The following LIN7A variants were observed in gnomAD, a reference collection of about 807,000 sequenced individuals.
LIN7A encodes lin-7 cell polarity scaffold A, also known as protein lin-7 homolog A.
In LIN7A, 25 loss-of-function variants were observed where a neutral mutation model predicts 29.8. That is an observed-to-expected ratio of 0.84 (90% CI 0.61 to 1.17). The LOEUF (loss-of-function observed/expected upper bound fraction) is 1.17, where lower values mean the gene tolerates loss of function less well. Ranked by LOEUF, LIN7A falls within the 50% of genes most tolerant of loss-of-function variation. The pLI is 0.00. For synonymous variants in LIN7A, 118 were observed against 107.5 expected, an observed-to-expected ratio of 1.10 and a Z score of -0.60; for missense variants, 239 against 287.0, an observed-to-expected ratio of 0.83 and a Z score of 1.21.
Position 80,937,635 on chromosome 12 carries a change from C to T in LIN7A, c.82+6G>A, listed in dbSNP as rs1450390828. On this transcript the variant is annotated splice_donor_region_variant and intron_variant, in intron 1 of 5. Coordinates refer to ENST00000552864, the MANE Select transcript of LIN7A (RefSeq NM_004664.4). ...CGGTGGCCTGGCGAGCGAGCCGCTC[C>T]CTTACCTCTGTCCAGGGTGAGCGGC... The T allele has an allele frequency of 2.0e-6, 3 of 1,522,804 alleles. No homozygotes were observed. Among genetic ancestry groups the T allele is most frequent in the Non-Finnish European group, 2.7e-6 (3 of 1,128,852 alleles). 94.3% of individuals were successfully genotyped at this position (1,522,804 alleles called of 1,614,324 possible). A position where few individuals can be genotyped will look rare whatever the true frequency, so the allele number is the denominator to read the frequency against.
intron 2 of LIN7A, among the ~76,000 whole-genome samples, chr12:80,881,606 A>G (rs1030642116): frequency 6.8e-6 from 1 of 147,374 alleles, no homozygotes; most frequent in Non-Finnish European, 1.5e-5. Context: ...CACAAAAAGC[A>G]AAGAAAACAA....
intron 1 of LIN7A, among the ~76,000 whole-genome samples, chr12:80,931,973 C>T (rs1271550457): frequency 6.6e-6 from 1 of 152,210 alleles, no homozygotes; most frequent in African/African-American, 2.4e-5. Flanking sequence ...CTTAATCTTT[C>T]TCCGTGTCAA....
At chr12:80,935,579 C>T (rs529031263) in intron 1 of LIN7A, among the ~76,000 whole-genome samples, 55 of 152,244 alleles carry the variant, frequency 3.6e-4, no homozygotes, top group African/African-American at 1.2e-3. Flanking sequence ...ATTTTTAGAA[C>T]CTTTTCCTTC....
intron 2 of LIN7A, among the ~76,000 whole-genome samples, chr12:80,856,976 C>T (rs1019702798): frequency 1.3e-5 from 2 of 152,152 alleles, no homozygotes; most frequent in Non-Finnish European, 2.9e-5. Flanking sequence ...TATTAGTTGC[C>T]CCAATATCCT....
intron 2 of LIN7A, among the ~76,000 whole-genome samples, chr12:80,877,767 TAACA>T (rs1874786678): frequency 6.6e-6 from 1 of 152,130 alleles, no homozygotes; most frequent in South Asian, 2.1e-4. Flanking sequence ...ATTTGTAACT[TAACA>T]TTCATTTTAG....
chr12:80,917,666 CTTAGT>C (rs1200058052), intron 1 of LIN7A, among the ~76,000 whole-genome samples: 1 of 151,816 alleles, frequency 6.6e-6, no homozygotes, highest in African/African-American at 2.4e-5. Flanking sequence ...GTGTTATGCT[CTTAGT>C]TTATAGTTTC....
chr12:80,824,056 A>T (rs1871942020), intron 4 of LIN7A, among the ~76,000 whole-genome samples: 1 of 152,216 alleles, frequency 6.6e-6, no homozygotes, highest in Admixed American at 6.5e-5. Flanking sequence ...GAAACAAAAA[A>T]TACAAAAGAT....
intron 1 of LIN7A, among the ~76,000 whole-genome samples, chr12:80,936,056 T>G (rs1878199801): frequency 6.6e-6 from 1 of 152,206 alleles, no homozygotes; most frequent in Middle Eastern, 3.2e-3. Context: ...TGGGACAATA[T>G]AAGAGCTCAT....
intron 2 of LIN7A, among the ~76,000 whole-genome samples, chr12:80,868,140 T>C (rs1370000378): frequency 1.3e-5 from 2 of 152,192 alleles, no homozygotes; most frequent in Non-Finnish European, 2.9e-5. Flanking sequence ...ATGTTTAAGT[T>C]GCCTCCCGCA....
chr12:80,857,165 G>A (rs6539534), intron 2 of LIN7A, among the ~76,000 whole-genome samples: 64,529 of 151,976 alleles, frequency 0.42, 14,163 homozygotes, highest in East Asian at 0.67. Context: ...AGCCGATACA[G>A]CTAGTCTTCT....
chr12:80,925,548 C>T (rs1186307631), intron 1 of LIN7A, among the ~76,000 whole-genome samples: 1 of 152,132 alleles, frequency 6.6e-6, no homozygotes, highest in Non-Finnish European at 1.5e-5. Context: ...GCTTTACACA[C>T]ATTAACTCAT....
intron 2 of LIN7A, among the ~76,000 whole-genome samples, chr12:80,870,941 A>G (rs1279688097): frequency 1.3e-5 from 2 of 152,248 alleles, no homozygotes; most frequent in African/African-American, 2.4e-5. Context: ...AACAGCAAAG[A>G]TGCTAAGGAA....
intron 2 of LIN7A, among the ~76,000 whole-genome samples, chr12:80,873,814 T>G (rs1411297246): frequency 1.3e-5 from 2 of 151,722 alleles, no homozygotes; most frequent in African/African-American, 4.8e-5. Context: ...ATATTTTTTT[T>G]ATTGTTTGGT....
At chr12:80,858,043 A>G (rs538719495) in intron 2 of LIN7A, among the ~76,000 whole-genome samples, 2 of 152,266 alleles carry the variant, frequency 1.3e-5, no homozygotes. Flanking sequence ...GTGGGAGCTC[A>G]GTAGGGAGGC....
chr12:80,897,698 G>A (rs569151855), intron 1 of LIN7A, among the ~76,000 whole-genome samples: 14 of 152,066 alleles, frequency 9.2e-5, no homozygotes, highest in African/African-American at 2.4e-4. Context: ...CCAGCTACTC[G>A]GGAGACTGAG....
intron 4 of LIN7A, among the ~76,000 whole-genome samples, chr12:80,822,681 G>C (rs1178960152): frequency 6.8e-6 from 1 of 146,924 alleles, no homozygotes; most frequent in Admixed American, 6.6e-5. Flanking sequence ...ATGAGATTTG[G>C]GTGGGGACAC....
At position 80,796,480 on chromosome 12, in the gene LIN7A, A is replaced by G. The variant is rs907951800; in HGVS notation, c.*1247T>C. The G allele has an allele frequency of 6.6e-6, 1 of 152,172 alleles. No homozygotes were observed. The highest frequency in any genetic ancestry group is 6.5e-5 in the Admixed American group (1 of 15,268). 9.4% of individuals were successfully genotyped at this position (152,172 alleles called of 1,614,324 possible). ...AGTGAATGATATTTTCTGAAAAATG[A>G]TATCTCATTGTCTATTTACCTATGG... On this transcript the variant is annotated 3_prime_UTR_variant, in exon 6 of 6. Coordinates refer to ENST00000552864, the MANE Select transcript of LIN7A (RefSeq NM_004664.4).
intron 2 of LIN7A, among the ~76,000 whole-genome samples, chr12:80,854,621 A>G (rs1215409685): frequency 6.6e-6 from 1 of 152,232 alleles, no homozygotes; most frequent in East Asian, 1.9e-4. Flanking sequence ...GATTAGACCA[A>G]GTATGATGAA....
chr12:80,810,393 CTG>C (rs71094992), intron 5 of LIN7A, among the ~76,000 whole-genome samples: 8,222 of 146,882 alleles, frequency 0.056, 348 homozygotes, highest in African/African-American at 0.13. Context: ...TGGTATACAT[CTG>C]TGTGTGTGTG....
Sources: allele counts gnomAD v4.1 joint callset (sites outside exome capture counted in the v4.1 genomes callset), GRCh38; gene constraint gnomAD v4.1.1; transcripts MANE v1.5; gene names NCBI Gene and HGNC (gene_info 2026-07-23, HGNC 2026-07-21).